Variants in CLASP1 observed in about 807,000 individuals in gnomAD.
CLASP1 encodes CLIP-associating protein 1.
CLASP1 carries 38 observed loss-of-function variants against 192.3 expected under a neutral mutation model. That is an observed-to-expected ratio of 0.20 (90% CI 0.15 to 0.26). The LOEUF (loss-of-function observed/expected upper bound fraction) is 0.26. CLASP1 is among the 10% of genes least tolerant of loss of function. CLASP1 has a pLI of 1.00. For missense variants in CLASP1, 1,433 were observed against 1,932.5 expected (o/e 0.74, Z 4.85); for synonymous variants, 691 against 712.8 (o/e 0.97, Z 0.49).
intron 8 of CLASP1, among the ~76,000 whole-genome samples, chr2:121,492,602 T>C (rs1231331289): frequency 6.6e-6 from 1 of 150,724 alleles, no homozygotes. Flanking sequence ...TATTAGTCAT[T>C]AGGGAAATGC....
intron 38 of CLASP1, 44 bp downstream of exon 39, chr2:121,348,468 C>A: frequency 6.5e-7 from 1 of 1,538,440 alleles, no homozygotes; most frequent in Non-Finnish European, 8.8e-7. Flanking sequence ...AGTTAGGCAA[C>A]CCCACACAGG....
intron 2 of CLASP1, among the ~76,000 whole-genome samples, chr2:121,531,392 G>C (rs1413247861): frequency 6.6e-6 from 1 of 151,988 alleles, no homozygotes; most frequent in Non-Finnish European, 1.5e-5. Context: ...TCAGGAGATC[G>C]AGACCATCCT....
At chr2:121,342,117 A>C (rs1441183843) in intron 39 of CLASP1, among the ~76,000 whole-genome samples, 1 of 152,146 alleles carries the variant, frequency 6.6e-6, no homozygotes, top group Non-Finnish European at 1.5e-5. Flanking sequence ...GACATATTTA[A>C]AAAAAGAATT....
At chr2:121,593,121 G>A (rs1240638711) in intron 2 of CLASP1, among the ~76,000 whole-genome samples, 3 of 152,148 alleles carry the variant, frequency 2.0e-5, no homozygotes, top group African/African-American at 7.2e-5. Flanking sequence ...CTTTAACCAC[G>A]TAGGAGGAAG....
chr2:121,598,058 G>A (rs2063346496), intron 2 of CLASP1, among the ~76,000 whole-genome samples: 2 of 152,202 alleles, frequency 1.3e-5, no homozygotes, highest in African/African-American at 4.8e-5. Context: ...GAGGAGACCA[G>A]ATCAATGAGG....
intron 6 of CLASP1, among the ~76,000 whole-genome samples, 200 bp downstream of exon 6, chr2:121,525,645 T>C (rs1165488021): frequency 6.6e-6 from 1 of 152,198 alleles, no homozygotes; most frequent in East Asian, 1.9e-4. Flanking sequence ...CATTTACCAA[T>C]TTTATACTTA....
At position 121,405,887 on chromosome 2, in the gene CLASP1, G is replaced by C. The variant is rs146389124; in HGVS notation, c.2670-1453C>G. On this transcript the variant is annotated intron_variant, in intron 25 of 39. Transcript: ENST00000263710. ...GCAGGTATGAGTACGGGAGGGTGGA[G>C]TCAGGCTGCCTGAAGAGCCACAGTG... 3.4e-3 allele frequency among the ~76,000 whole-genome samples: 522 copies of C among 152,312 alleles called. 4 individuals carry two copies. Among genetic ancestry groups the C allele is most frequent in the Non-Finnish European group, 6.0e-3 (408 of 68,018 alleles).
intron 16 of CLASP1, 29 bp from the exon 17 acceptor site, chr2:121,449,149 A>C (rs1464066816): frequency 1.7e-5 from 28 of 1,605,026 alleles, no homozygotes; most frequent in Non-Finnish European, 2.4e-5. Flanking sequence ...ATCCTGGTCT[A>C]ATTCAAGGAT....
chr2:121,460,065 G>A (rs2087573236), exon 12 of CLASP1: 1 of 1,613,526 alleles, frequency 6.2e-7, no homozygotes. Context: ...AGACGCAAAT[G>A]TTGAAAGAAG....
intron 2 of CLASP1, among the ~76,000 whole-genome samples, chr2:121,585,843 T>C (rs1005402343): frequency 6.8e-6 from 1 of 146,960 alleles, no homozygotes; most frequent in African/African-American, 2.5e-5. Context: ...GCGGTTGCAG[T>C]GAGCCGAGAT....
At chr2:121,561,933 G>C (rs1031326842) in intron 2 of CLASP1, among the ~76,000 whole-genome samples, 1 of 152,200 alleles carries the variant, frequency 6.6e-6, no homozygotes, top group East Asian at 1.9e-4. Flanking sequence ...CAGAGGTAAA[G>C]CTGTTTTCAT....
At chr2:121,587,076 A>T (rs1053560271) in intron 2 of CLASP1, among the ~76,000 whole-genome samples, 1 of 152,064 alleles carries the variant, frequency 6.6e-6, no homozygotes, top group East Asian at 1.9e-4. Flanking sequence ...CCCTGTCTCA[A>T]CTAAAAATAT....
chr2:121,557,455 G>A (rs1234570453), intron 2 of CLASP1, among the ~76,000 whole-genome samples: 1 of 150,596 alleles, frequency 6.6e-6, no homozygotes, highest in African/African-American at 2.4e-5. Context: ...GTGGTGGCAG[G>A]TGCCTATAAT....
In CLASP1 at chr2:121,574,647, A is replaced by AAC. The variant is rs1553637906; in HGVS notation, c.195+31053_195+31054insGT. Among the ~76,000 whole-genome samples, 5 of 150,252 alleles carry AAC rather than the reference A, an allele frequency of 3.3e-5. No homozygotes were observed. In the South Asian group the frequency reaches 6.3e-4, roughly 19 times the overall value. Reference sequence around the variant, plus strand: ...AAGACTCCATATCAAAAAAAAAAAAAAAAAACAAAAACCGGGTGCGGTGGC... The same window carrying AAC: ...AAGACTCCATATCAAAAAAAAAAAAAACAAAAACAAAAACCGGGTGCGGTGGC... On this transcript the variant is annotated intron_variant, in intron 2 of 39. Transcript: ENST00000263710.
intron 35 of CLASP1, among the ~76,000 whole-genome samples, chr2:121,365,720 C>T (rs2067282105): frequency 6.6e-6 from 1 of 152,234 alleles, no homozygotes. Flanking sequence ...TACACACATA[C>T]TCCTCAAGGC....
At chr2:121,347,241 C>T (rs1397681532) in intron 38 of CLASP1, 87 bp from the exon 40 acceptor site, 8 of 890,086 alleles carry the variant, frequency 9.0e-6, no homozygotes, top group Non-Finnish European at 3.6e-6. Context: ...CCACAAATGC[C>T]CTCAGAGTTC....
At chr2:121,607,053 C>CA (rs2064521676) in intron 1 of CLASP1, among the ~76,000 whole-genome samples, 1 of 150,984 alleles carries the variant, frequency 6.6e-6, no homozygotes, top group African/African-American at 2.4e-5. Context: ...GCAACTCCGT[C>CA]AAAAAAGGCC....
chr2:121,452,511 C>T (rs997497866), intron 14 of CLASP1, among the ~76,000 whole-genome samples: 3 of 152,172 alleles, frequency 2.0e-5, no homozygotes, highest in African/African-American at 7.2e-5. Context: ...CTTTTTCTGG[C>T]CGGGCACAGT....
chr2:121,600,318 A>G (rs1045428082), intron 2 of CLASP1, among the ~76,000 whole-genome samples: 36 of 152,330 alleles, frequency 2.4e-4, no homozygotes, highest in African/African-American at 7.5e-4. Flanking sequence ...ACCTCTATTA[A>G]GTAATATAAA....
Sources: gnomAD v4.1 joint callset for allele counts (sites outside exome capture counted in the v4.1 genomes callset) on GRCh38, gnomAD v4.1.1 for gene constraint, MANE v1.5 for transcripts, NCBI Gene and HGNC (gene_info 2026-07-23, HGNC 2026-07-21) for gene names.